ASCC3: variants seen among roughly 807,000 people sequenced by gnomAD.
ASCC3 encodes activating signal cointegrator 1 complex subunit 3, also known as ASC-1 complex subunit P200.
Under a neutral mutation model 256.3 loss-of-function variants are expected in ASCC3, and 158 were observed. The observed-to-expected ratio is 0.62, with a 90% confidence interval of 0.54 to 0.70. The LOEUF is 0.70. Ranked by LOEUF, ASCC3 falls within the 30% of genes least tolerant of loss-of-function variation. ASCC3 has a pLI of 0.00. For missense variants in ASCC3, 2,259 were observed against 2,626.0 expected, an observed-to-expected ratio of 0.86 and a Z score of 3.05; for synonymous variants, 948 against 883.4, an observed-to-expected ratio of 1.07 and a Z score of -1.30.
chr6:100,839,965 T>C (rs1772058485), intron 4 of ASCC3, among the ~76,000 whole-genome samples: 1 of 152,178 alleles, frequency 6.6e-6, no homozygotes, highest in Non-Finnish European at 1.5e-5. Context: ...TAATAGCAGA[T>C]AAATTACTTC....
chr6:100,551,932 T>C (rs1215534145), intron 36 of ASCC3, among the ~76,000 whole-genome samples: 1 of 151,796 alleles, frequency 6.6e-6, no homozygotes, highest in South Asian at 2.1e-4. Flanking sequence ...TGGGATGAGG[T>C]GGTGGAGAGA....
At chr6:100,595,141 G>C (rs1772223021) in intron 34 of ASCC3, among the ~76,000 whole-genome samples, 1 of 152,106 alleles carries the variant, frequency 6.6e-6, no homozygotes, top group Admixed American at 6.6e-5. Context: ...GCACTGCACA[G>C]CATGGTAACT....
chr6:100,804,964 C>A (rs565944652), intron 5 of ASCC3, among the ~76,000 whole-genome samples: 1 of 152,228 alleles, frequency 6.6e-6, no homozygotes, highest in East Asian at 1.9e-4. Context: ...ATGTTCATCA[C>A]AGCACTATTC....
intron 10 of ASCC3, among the ~76,000 whole-genome samples, chr6:100,746,583 A>C (rs1486402420): frequency 6.6e-6 from 1 of 152,154 alleles, no homozygotes; most frequent in Non-Finnish European, 1.5e-5. Context: ...CAAATGAATT[A>C]ATAACAGCTA....
At chr6:100,812,574 G>C (rs1166308445) in intron 4 of ASCC3, among the ~76,000 whole-genome samples, 1 of 152,096 alleles carries the variant, frequency 6.6e-6, no homozygotes, top group Non-Finnish European at 1.5e-5. Context: ...CAATAGTAGA[G>C]TCAAACTGTC....
At chr6:100,836,573 G>C (rs1370835850) in intron 4 of ASCC3, among the ~76,000 whole-genome samples, 1 of 152,054 alleles carries the variant, frequency 6.6e-6, no homozygotes, top group Non-Finnish European at 1.5e-5. Flanking sequence ...TACCATCCTT[G>C]CATCCCTGGG....
chr6:100,877,725 T>G (rs547688282), intron 1 of ASCC3, among the ~76,000 whole-genome samples: 51 of 152,314 alleles, frequency 3.3e-4, no homozygotes, highest in African/African-American at 1.2e-3. Flanking sequence ...CAATAATTAC[T>G]AGAGATTCTG....
chr6:100,698,246 C>T (rs1238267079), intron 13 of ASCC3, among the ~76,000 whole-genome samples: 1 of 151,956 alleles, frequency 6.6e-6, no homozygotes, highest in Non-Finnish European at 1.5e-5. Context: ...TCCTCAAAGA[C>T]TTAGGAAAAA....
rs77768366 is a variant in ASCC3 at position 100,758,067 on chromosome 6, G to T, written c.1737+8498C>A. Among the ~76,000 whole-genome samples, 165 of 152,162 alleles carry T rather than the reference G, an allele frequency of 1.1e-3. 1 individual carries two copies. The highest frequency in any genetic ancestry group is 3.0e-3 in the Admixed American group (46 of 15,280). ...GTATCGGCTACCATCCCACCCAGGAGATTTAAATAGGAAGCCCTCTGATAT... is the reference window on the plus strand; with the variant it reads ...GTATCGGCTACCATCCCACCCAGGATATTTAAATAGGAAGCCCTCTGATAT... On this transcript the variant is annotated intron_variant, in intron 10 of 41. Coordinates refer to ENST00000369162, the MANE Select transcript of ASCC3 (RefSeq NM_006828.4).
chr6:100,880,435 T>A (rs903356716), intron 1 of ASCC3, among the ~76,000 whole-genome samples: 2 of 152,220 alleles, frequency 1.3e-5, no homozygotes, highest in Non-Finnish European at 2.9e-5. Context: ...GCCCCTAGAA[T>A]TATGCTTCTT....
At chr6:100,751,161 T>G (rs1236676614) in intron 10 of ASCC3, among the ~76,000 whole-genome samples, 1 of 152,068 alleles carries the variant, frequency 6.6e-6, no homozygotes, top group Non-Finnish European at 1.5e-5. Context: ...CTCAAGGTAG[T>G]TAGACTCAAT....
At chr6:100,612,823 C>T (rs958924574) in intron 30 of ASCC3, among the ~76,000 whole-genome samples, 9 of 151,826 alleles carry the variant, frequency 5.9e-5, no homozygotes, top group African/African-American at 1.5e-4. Flanking sequence ...ATTTATACTT[C>T]GTTGCTCTTT....
At chr6:100,868,146 G>T in intron 1 of ASCC3, 108 bp from the exon 2 acceptor site, 1 of 664,134 alleles carries the variant, frequency 1.5e-6, no homozygotes. Context: ...TGGTTAAAAA[G>T]CAATTGTTAT....
intron 36 of ASCC3, among the ~76,000 whole-genome samples, chr6:100,581,185 T>C (rs1343123788): frequency 9.2e-5 from 14 of 152,202 alleles, no homozygotes. Context: ...TGAACTACTT[T>C]ACAGTCCCAC....
intron 1 of ASCC3, among the ~76,000 whole-genome samples, chr6:100,878,704 G>A (rs929611176): frequency 6.6e-6 from 1 of 152,192 alleles, no homozygotes; most frequent in Non-Finnish European, 1.5e-5. Flanking sequence ...CCTCTGGGAG[G>A]CAGACTGAAG....
chr6:100,759,818 C>T (rs1004636471), intron 10 of ASCC3, among the ~76,000 whole-genome samples: 1 of 152,092 alleles, frequency 6.6e-6, no homozygotes, highest in East Asian at 1.9e-4. Context: ...TGTTTGTGTC[C>T]TCTCTTATTT....
In ASCC3 at chr6:100,860,143, T is replaced by C. The variant is rs536259010; in HGVS notation, c.241+3921A>G. On this transcript the variant is annotated intron_variant, in intron 3 of 41. Coordinates refer to ENST00000369162, the MANE Select transcript of ASCC3 (RefSeq NM_006828.4). ...CATAATGCATTTTACTGATTACTAG[T>C]CTCAGTCTTGACTTCTTTATTTTAA... 1.1e-4 allele frequency among the ~76,000 whole-genome samples: 17 copies of C among 152,134 alleles called. No individual in the cohort carries two copies. The South Asian group carries it at 3.1e-3, about 28-fold the overall frequency.
chr6:100,638,028 G>A (rs538754646), intron 25 of ASCC3, among the ~76,000 whole-genome samples: 9 of 152,252 alleles, frequency 5.9e-5, no homozygotes, highest in East Asian at 1.9e-4. Flanking sequence ...ACGTTCTATC[G>A]TGGGTAAAAT....
intron 1 of ASCC3, among the ~76,000 whole-genome samples, chr6:100,872,975 GTTCT>G (rs1315883624): frequency 1.3e-5 from 2 of 151,852 alleles, no homozygotes; most frequent in Non-Finnish European, 2.9e-5. Context: ...ACAAAACATG[GTTCT>G]TTAACACCCC....
Sources: allele counts gnomAD v4.1 joint callset (sites outside exome capture counted in the v4.1 genomes callset), GRCh38; gene constraint gnomAD v4.1.1; transcripts MANE v1.5; gene names NCBI Gene and HGNC (gene_info 2026-07-23, HGNC 2026-07-21).